The following SPDL1 variants were observed in gnomAD, a reference collection of about 807,000 sequenced individuals.
SPDL1 encodes the protein spindle apparatus coiled-coil protein 1, also known as protein Spindly.
SPDL1 carries 85 observed loss-of-function variants against 79.5 expected under a neutral mutation model. The observed-to-expected ratio is 1.07, with a 90% CI of 0.90 to 1.28. The LOEUF (loss-of-function observed/expected upper bound fraction) is 1.28. SPDL1 is among the 50% of genes most tolerant of loss of function. The probability of loss-of-function intolerance (pLI) is 0.00; values close to 1 mark genes in which losing one functional copy is unlikely to be tolerated. For missense variants in SPDL1, 703 were observed against 697.8 expected, an observed-to-expected ratio of 1.01 and a Z score of -0.08; for synonymous variants, 269 against 240.3, an observed-to-expected ratio of 1.12 and a Z score of -1.10.
intron 1 of SPDL1, among the ~76,000 whole-genome samples, chr5:169,585,708 G>A (rs1754954124): frequency 6.6e-6 from 1 of 152,138 alleles, no homozygotes; most frequent in South Asian, 2.1e-4. Flanking sequence ...CTGCCAAGCT[G>A]GGATTACCTA....
At chr5:169,588,154 G>A (rs1224604834) in intron 1 of SPDL1, among the ~76,000 whole-genome samples, 2 of 152,148 alleles carry the variant, frequency 1.3e-5, no homozygotes, top group African/African-American at 2.4e-5. Flanking sequence ...CTGTTTAGAA[G>A]CAAAATTAAA....
chr5:169,600,343 A>C (rs999755078), intron 10 of SPDL1, among the ~76,000 whole-genome samples: 1 of 152,224 alleles, frequency 6.6e-6, no homozygotes, highest in East Asian at 1.9e-4. Context: ...TCCCCTGATT[A>C]AGAATTATCC....
At chr5:169,600,171 G>T (rs753046732) in intron 10 of SPDL1, among the ~76,000 whole-genome samples, 1 of 152,130 alleles carries the variant, frequency 6.6e-6, no homozygotes, top group Non-Finnish European at 1.5e-5. Flanking sequence ...TTTTGTCCCC[G>T]CACTCTGCAC....
At chr5:169,588,277 A>C in intron 1 of SPDL1, 117 bp from the exon 2 acceptor site, 1 of 673,230 alleles carries the variant, frequency 1.5e-6, no homozygotes. Flanking sequence ...GTCAGGAAGA[A>C]AATTTTAATG....
At chr5:169,584,035 C>G (rs1455351787) in intron 1 of SPDL1, 146 bp downstream of exon 1, 1 of 152,252 alleles carries the variant, frequency 6.6e-6, no homozygotes. Flanking sequence ...GGGTCTTATA[C>G]ACTGGGTTCC....
chr5:169,600,302 T>A (rs1755815061), intron 10 of SPDL1, among the ~76,000 whole-genome samples: 1 of 152,234 alleles, frequency 6.6e-6, no homozygotes. Flanking sequence ...TGCTCTTAAC[T>A]CTTTTTGTTT....
chr5:169,586,678 C>T (rs939923710), intron 1 of SPDL1, among the ~76,000 whole-genome samples: 2 of 152,186 alleles, frequency 1.3e-5, no homozygotes, highest in African/African-American at 2.4e-5. Context: ...TTCCCTTTTT[C>T]ACACATCCCA....
Position 169,604,052 on chromosome 5 carries a change from G to A in SPDL1, c.1671-8G>A, listed in dbSNP as rs1322527636. Reference sequence around the variant, plus strand: ...TTGAATTCAGAGTGGATGCTTTAATGCCTGTAGGTTAGCTGCTGAATCAAA... The same window carrying A: ...TTGAATTCAGAGTGGATGCTTTAATACCTGTAGGTTAGCTGCTGAATCAAA... On this transcript the variant is annotated splice_polypyrimidine_tract_variant and splice_region_variant and intron_variant, in intron 11 of 11. Transcript: ENST00000265295. The A allele has an allele frequency of 6.2e-7, 1 of 1,603,998 alleles. No homozygotes were observed. Among genetic ancestry groups the A allele is most frequent in the Admixed American group, 1.7e-5 (1 of 58,168 alleles).
At chr5:169,595,754 A>G (rs1162107941) in intron 7 of SPDL1, 1 of 152,178 alleles carries the variant, frequency 6.6e-6, no homozygotes, top group East Asian at 1.9e-4. Flanking sequence ...TATGTCCCAA[A>G]CTATCTTTAG....
In SPDL1 at chr5:169,602,208, G is replaced by A. The variant is rs554022595; in HGVS notation, c.1670+583G>A. Among the ~76,000 whole-genome samples, 24 of 152,306 alleles carry A rather than the reference G, an allele frequency of 1.6e-4. No homozygotes were observed. In the South Asian group the frequency reaches 4.6e-3, roughly 29 times the overall value. ...CTAAAAGAAATAGCGTCAGATATGTGTGTCTGAAGGAATTAATGTCCCAAG... is the reference window on the plus strand; with the variant it reads ...CTAAAAGAAATAGCGTCAGATATGTATGTCTGAAGGAATTAATGTCCCAAG... On this transcript the variant is annotated intron_variant, in intron 11 of 11. Transcript: ENST00000265295.
At chr5:169,601,734 C>A (rs959044273) in intron 11 of SPDL1, 109 bp downstream of exon 11, 7 of 1,014,702 alleles carry the variant, frequency 6.9e-6, no homozygotes, top group African/African-American at 3.2e-5. Context: ...CAATTGCATG[C>A]AGTATAATTC....
At chr5:169,587,893 A>T (rs1755068558) in intron 1 of SPDL1, among the ~76,000 whole-genome samples, 1 of 151,928 alleles carries the variant, frequency 6.6e-6, no homozygotes, top group Non-Finnish European at 1.5e-5. Flanking sequence ...ATTTCTATTG[A>T]TTGATTGATT....
In SPDL1 at chr5:169,594,386, G is replaced by A. The variant is rs1185190083; in HGVS notation, c.682-8G>A. 2.5e-6 allele frequency: 4 copies of A among 1,613,498 alleles called. No homozygotes were observed. In the South Asian group the frequency reaches 3.3e-5, roughly 13 times the overall value. ...TCTGTTGCCTAAATTGTTTTCTTTT[G>A]AATTTAGAAAGCTCGTGTAGCAAAT... On this transcript the variant is annotated splice_polypyrimidine_tract_variant and splice_region_variant and intron_variant, in intron 5 of 11. Coordinates refer to ENST00000265295, the MANE Select transcript of SPDL1 (RefSeq NM_017785.5).
intron 2 of SPDL1, 187 bp downstream of exon 2, chr5:169,588,762 A>T (rs1415712613): frequency 4.4e-6 from 2 of 453,250 alleles, no homozygotes; most frequent in East Asian, 7.5e-5. Flanking sequence ...ACCCTAGTGT[A>T]TTCAGAGTTT....
At chr5:169,592,001 A>G (rs924486689) in intron 3 of SPDL1, among the ~76,000 whole-genome samples, 1 of 152,202 alleles carries the variant, frequency 6.6e-6, no homozygotes, top group African/African-American at 2.4e-5. Context: ...TGTATAGTCT[A>G]TACTCTGACT....
Position 169,596,653 on chromosome 5 carries a change from T to C in SPDL1, c.984T>C (p.Gly328=). The stretch of plus-strand genomic sequence containing the variant: ...TTGCCATGTTGGAGCAGAAGAATGG[T>C]GAAATAAAACATCTTTTAGGTGAAA... ...RLLAMLEQKN[G]EIKHLLGEIR... Residue 328 remains glycine, a synonymous_variant, in exon 8 of 12, where the codon GGT becomes GGC. Transcript: ENST00000265295. 1 of 1,605,482 alleles carries C rather than the reference T, an allele frequency of 6.2e-7. No homozygotes were observed. The highest frequency in any genetic ancestry group is 8.5e-7 in the Non-Finnish European group (1 of 1,177,562).
chr5:169,596,654 G>T lies in SPDL1; in HGVS notation c.985G>T (p.Glu329Ter). ...TGCCATGTTGGAGCAGAAGAATGGT[G>T]AAATAAAACATCTTTTAGGTGAAAT... ...LLAMLEQKNG[E>*]IKHLLGEIRN... Residue 329 changes from glutamate (E) to a stop codon, truncating the protein, a stop_gained, in exon 8 of 12, where the codon GAA (glutamate) becomes TAA (stop). Transcript: ENST00000265295. LOFTEE classifies it high-confidence loss of function. The T allele has an allele frequency of 6.2e-7, 1 of 1,604,904 alleles. No individual in the cohort carries two copies. The highest frequency in any genetic ancestry group is 8.5e-7 in the Non-Finnish European group (1 of 1,177,362).
chr5:169,598,931 C>G lies in SPDL1; in HGVS notation c.1137-41C>G, dbSNP rs1308694067. ...TTTATACCACTACACTTATTATATG[C>G]TGTCTTAATACTCGTTGGTTCTCCT... On this transcript the variant is annotated intron_variant, in intron 9 of 11. Coordinates refer to ENST00000265295, the MANE Select transcript of SPDL1 (RefSeq NM_017785.5). 11 of 1,497,602 alleles carry G rather than the reference C, an allele frequency of 7.3e-6. No individual in the cohort carries two copies. The South Asian group carries it at 1.6e-4, about 22-fold the overall frequency. 92.8% of individuals were successfully genotyped at this position (1,497,602 alleles called of 1,614,324 possible).
intron 1 of SPDL1, among the ~76,000 whole-genome samples, chr5:169,586,648 C>G (rs1410490284): frequency 6.6e-6 from 1 of 152,170 alleles, no homozygotes; most frequent in Non-Finnish European, 1.5e-5. Flanking sequence ...GGCCAGAAGA[C>G]TTGGAGGCAT....
Sources: gnomAD v4.1 joint callset for allele counts (sites outside exome capture counted in the v4.1 genomes callset) on GRCh38, gnomAD v4.1.1 for gene constraint, MANE v1.5 for transcripts, NCBI Gene and HGNC (gene_info 2026-07-23, HGNC 2026-07-21) for gene names.